IRAK1BP1: variants seen among roughly 807,000 people sequenced by gnomAD.
IRAK1BP1 encodes interleukin-1 receptor-associated kinase 1-binding protein 1.
IRAK1BP1 carries 24 observed loss-of-function variants against 28.0 expected under a neutral mutation model. That is an observed-to-expected ratio of 0.86 (90% CI 0.62 to 1.20). The LOEUF (loss-of-function observed/expected upper bound fraction) is 1.20, where lower values mean the gene tolerates loss of function less well. Ranked by LOEUF, IRAK1BP1 falls within the 50% of genes most tolerant of loss-of-function variation. IRAK1BP1 has a pLI of 0.00. For synonymous variants in IRAK1BP1, 131 were observed against 116.3 expected, an observed-to-expected ratio of 1.13 and a Z score of -0.81; for missense variants, 336 against 316.7, an observed-to-expected ratio of 1.06 and a Z score of -0.46.
chr6:78,945,589 C>T, exon 5 of IRAK1BP1: 1 of 787,174 alleles, frequency 1.3e-6, no homozygotes, highest in East Asian at 2.7e-5. Flanking sequence ...TTAGCCAAGA[C>T]AACAAAACCT....
chr6:78,871,259 C>T (rs986471199), intron 1 of IRAK1BP1: 2 of 985,136 alleles, frequency 2.0e-6, no homozygotes, highest in Non-Finnish European at 2.4e-6. Flanking sequence ...AATGTCTGGT[C>T]CTCCCTCACA....
At chr6:78,906,728 A>G (rs956762855), downstream of IRAK1BP1, among the ~76,000 whole-genome samples, 1 of 152,174 alleles carries the variant, frequency 6.6e-6, no homozygotes, top group African/African-American at 2.4e-5. Context: ...TTTTTCCCCA[A>G]ATATTTACAA....
At chr6:78,940,656 G>A in intron 4 of IRAK1BP1, 1 of 1,335,682 alleles carries the variant, frequency 7.5e-7, no homozygotes. Flanking sequence ...AACTGTACCT[G>A]CTTTATAGAT....
intron 4 of IRAK1BP1, among the ~76,000 whole-genome samples, chr6:78,910,302 G>T (rs1772370420): frequency 6.6e-6 from 1 of 152,126 alleles, no homozygotes; most frequent in Non-Finnish European, 1.5e-5. Context: ...GTTTTCCTCT[G>T]CATAAAAAAC....
At chr6:78,879,205 T>G (rs1349323780) in intron 1 of IRAK1BP1, among the ~76,000 whole-genome samples, 31 of 150,986 alleles carry the variant, frequency 2.1e-4, no homozygotes, top group Admixed American at 1.9e-3. Flanking sequence ...TGTCTTGGGG[T>G]GGGGGTAGGG....
downstream of IRAK1BP1, among the ~76,000 whole-genome samples, chr6:78,949,675 ACT>A (rs1372219665): frequency 6.8e-6 from 1 of 147,810 alleles, no homozygotes; most frequent in African/African-American, 2.5e-5. Flanking sequence ...CTTTTCTGGG[ACT>A]CTTTTTTACT....
chr6:78,978,002 T>A, the IRAK1BP1 span, among the ~76,000 whole-genome samples: 1 of 152,168 alleles, frequency 6.6e-6, no homozygotes, highest in African/African-American at 2.4e-5. Context: ...AAAATTTGTG[T>A]ACAAAACAAG....
chr6:78,957,085 T>G, the IRAK1BP1 span: 2 of 152,106 alleles, frequency 1.3e-5, no homozygotes, highest in African/African-American at 4.8e-5. Context: ...CATGGATTTA[T>G]TTTTAGAAAT....
downstream of IRAK1BP1, among the ~76,000 whole-genome samples, chr6:78,903,353 T>C (rs955661278): frequency 8.0e-5 from 12 of 150,502 alleles, no homozygotes; most frequent in Admixed American, 4.6e-4. Flanking sequence ...TAGCTGGGTG[T>C]GGTGGCACAC....
At chr6:78,891,967 A>G (rs1462984814) in intron 2 of IRAK1BP1, among the ~76,000 whole-genome samples, 1 of 152,208 alleles carries the variant, frequency 6.6e-6, no homozygotes, top group Non-Finnish European at 1.5e-5. Context: ...TTTTATACAT[A>G]TATAGGCATG....
At chr6:78,958,494 G>T in the IRAK1BP1 span, 1 of 1,537,742 alleles carries the variant, frequency 6.5e-7, no homozygotes, top group Non-Finnish European at 9.0e-7. Flanking sequence ...TGTAGAAGAA[G>T]ATCAGTCACG....
the IRAK1BP1 span, chr6:78,966,167 C>A: frequency 3.0e-6 from 2 of 675,072 alleles, no homozygotes; most frequent in Non-Finnish European, 5.3e-6. Context: ...TTTCAGAAGA[C>A]AAAAAGTGAA....
intron 1 of IRAK1BP1, among the ~76,000 whole-genome samples, chr6:78,882,383 T>C: frequency 6.6e-6 from 1 of 152,156 alleles, no homozygotes; most frequent in East Asian, 1.9e-4. Context: ...GTGACATGCT[T>C]CCAATTAATA....
At chr6:78,935,905 A>T (rs1297188540) in intron 4 of IRAK1BP1, 2 of 214,564 alleles carry the variant, frequency 9.3e-6, no homozygotes, top group African/African-American at 4.7e-5. Flanking sequence ...TTTAAAAATA[A>T]GTTTGTAGTT....
chr6:78,924,708 A>C (rs889146919), intron 4 of IRAK1BP1, among the ~76,000 whole-genome samples: 2 of 152,208 alleles, frequency 1.3e-5, no homozygotes, highest in African/African-American at 4.8e-5. Flanking sequence ...CACATCAAAA[A>C]GCTTATCCAC....
chr6:78,890,467 T>A (rs950064290), intron 2 of IRAK1BP1, among the ~76,000 whole-genome samples: 35 of 149,708 alleles, frequency 2.3e-4, no homozygotes, highest in Non-Finnish European at 4.2e-4. Flanking sequence ...AATAAAATAA[T>A]CAAAAAAATT....
At chr6:78,962,219 TTTACA>T in the IRAK1BP1 span, among the ~76,000 whole-genome samples, 1 of 152,068 alleles carries the variant, frequency 6.6e-6, no homozygotes, top group South Asian at 2.1e-4. Context: ...TTATCTCAAC[TTTACA>T]TTATTCTGTG....
intron 4 of IRAK1BP1, among the ~76,000 whole-genome samples, chr6:78,942,969 A>G (rs762107266): frequency 4.6e-5 from 7 of 152,218 alleles, no homozygotes; most frequent in Non-Finnish European, 8.8e-5. Context: ...AACCACTGAT[A>G]TTGAACGGTG....
intron 1 of IRAK1BP1, among the ~76,000 whole-genome samples, chr6:78,880,144 A>G (rs570204752): frequency 6.6e-6 from 1 of 152,320 alleles, no homozygotes; most frequent in East Asian, 1.9e-4. Flanking sequence ...GAGAAAATCT[A>G]TGTGACCTTG....
Sources: gnomAD v4.1 joint callset for allele counts (sites outside exome capture counted in the v4.1 genomes callset) on GRCh38, gnomAD v4.1.1 for gene constraint, MANE v1.5 for transcripts, NCBI Gene and HGNC (gene_info 2026-07-23, HGNC 2026-07-21) for gene names.